SPATA16: variants seen among roughly 807,000 people sequenced by gnomAD.
SPATA16 encodes the protein spermatogenesis-associated protein 16.
A neutral mutation model predicts 63.3 loss-of-function variants in SPATA16; 36 were observed. The observed-to-expected ratio is 0.57, with a 90% CI of 0.44 to 0.75. The LOEUF is 0.75. Among genes scored for constraint, SPATA16 ranks in the 30% least tolerant of loss-of-function variants. The probability of loss-of-function intolerance (pLI) is 0.00; values close to 1 mark genes in which losing one functional copy is unlikely to be tolerated. For missense variants in SPATA16, 646 were observed against 679.3 expected (o/e 0.95, Z 0.54); for synonymous variants, 203 against 216.7 (o/e 0.94, Z 0.56).
chr3:173,082,931 T>A (rs1278780961), intron 2 of SPATA16, among the ~76,000 whole-genome samples: 1 of 152,190 alleles, frequency 6.6e-6, no homozygotes, highest in African/African-American at 2.4e-5. Flanking sequence ...ATCTGCCTTG[T>A]TCACTTTTGT....
At chr3:173,026,153 A>C (rs556700530) in intron 3 of SPATA16, among the ~76,000 whole-genome samples, 1 of 151,602 alleles carries the variant, frequency 6.6e-6, no homozygotes, top group Admixed American at 6.6e-5. Flanking sequence ...ATGGTATCTC[A>C]TTGTGGCTTT....
At chr3:172,947,210 A>C (rs1733312042) in intron 6 of SPATA16, among the ~76,000 whole-genome samples, 1 of 152,200 alleles carries the variant, frequency 6.6e-6, no homozygotes, top group Admixed American at 6.5e-5. Context: ...AATTCTCTTT[A>C]AATACTTGGA....
At chr3:172,972,549 A>C (rs532354057) in intron 5 of SPATA16, among the ~76,000 whole-genome samples, 1 of 152,200 alleles carries the variant, frequency 6.6e-6, no homozygotes. Context: ...CCTTCTTAGA[A>C]TAATTTGATG....
chr3:172,992,754 A>G (rs1734608541), intron 4 of SPATA16, among the ~76,000 whole-genome samples: 1 of 152,066 alleles, frequency 6.6e-6, no homozygotes, highest in African/African-American at 2.4e-5. Flanking sequence ...CCCTGCCCAA[A>G]TGGGATCCAT....
At chr3:173,054,035 T>A (rs184374687) in intron 2 of SPATA16, among the ~76,000 whole-genome samples, 3 of 152,070 alleles carry the variant, frequency 2.0e-5, no homozygotes, top group South Asian at 2.1e-4. Context: ...CAACATAATT[T>A]TTCATATGCT....
intron 4 of SPATA16, among the ~76,000 whole-genome samples, chr3:173,004,918 G>A (rs539332676): frequency 6.6e-6 from 1 of 152,156 alleles, no homozygotes; most frequent in East Asian, 1.9e-4. Context: ...AATTCACTTG[G>A]CAACACTTAG....
chr3:173,023,137 ATGTGTGTG>A (rs11282206), intron 3 of SPATA16, among the ~76,000 whole-genome samples: 4 of 139,866 alleles, frequency 2.9e-5, no homozygotes, highest in Admixed American at 7.2e-5. Flanking sequence ...ATGCTTGTGT[ATGTGTGTG>A]TGTGTGTGTG....
At chr3:172,961,131 T>TTCCTTCCTTC (rs1733774324) in intron 5 of SPATA16, among the ~76,000 whole-genome samples, 3 of 150,202 alleles carry the variant, frequency 2.0e-5, no homozygotes, top group African/African-American at 2.5e-5. Context: ...CCTTCCTTTC[T>TTCCTTCCTTC]CTTTCTTGTG....
intron 8 of SPATA16, among the ~76,000 whole-genome samples, chr3:172,918,782 C>A (rs1028206351): frequency 6.6e-6 from 1 of 151,948 alleles, no homozygotes; most frequent in Non-Finnish European, 1.5e-5. Context: ...AAAGTGGCCA[C>A]GACTGAAGCT....
intron 3 of SPATA16, among the ~76,000 whole-genome samples, chr3:173,019,994 A>G (rs1286330619): frequency 2.7e-5 from 4 of 150,180 alleles, no homozygotes; most frequent in Non-Finnish European, 1.5e-5. Flanking sequence ...TTTCAGTTAA[A>G]AAAAAAAAAA....
At chr3:172,954,693 T>C (rs1733531198) in intron 6 of SPATA16, among the ~76,000 whole-genome samples, 1 of 152,160 alleles carries the variant, frequency 6.6e-6, no homozygotes, top group Non-Finnish European at 1.5e-5. Context: ...GAAAAAGAGT[T>C]ATACCTCCAA....
At chr3:172,968,653 G>A (rs1204934840) in intron 5 of SPATA16, among the ~76,000 whole-genome samples, 1 of 152,148 alleles carries the variant, frequency 6.6e-6, no homozygotes, top group Non-Finnish European at 1.5e-5. Flanking sequence ...AGCACTCACA[G>A]AACATCAACA....
chr3:173,095,982 A>G (rs1737340348), intron 2 of SPATA16, among the ~76,000 whole-genome samples: 1 of 152,142 alleles, frequency 6.6e-6, no homozygotes, highest in African/African-American at 2.4e-5. Context: ...AGTAATAAAC[A>G]ATTCCTAAAT....
Position 173,026,995 on chromosome 3 carries a change from A to G in SPATA16, c.759-7420T>C, listed in dbSNP as rs569064493. 7.2e-5 allele frequency among the ~76,000 whole-genome samples: 11 copies of G among 152,014 alleles called. No homozygotes were observed. In the East Asian group the frequency reaches 2.1e-3, roughly 29 times the overall value. On this transcript the variant is annotated intron_variant, in intron 3 of 10. Transcript: ENST00000351008. ...TGGGATTTTGATAAGTGTATAGAAA[A>G]CTTTAAGATCTATTGACATCTTAAT...
At chr3:173,115,857 C>T (rs1342912116) in intron 2 of SPATA16, among the ~76,000 whole-genome samples, 2 of 151,912 alleles carry the variant, frequency 1.3e-5, no homozygotes, top group African/African-American at 4.8e-5. Context: ...TGCTCACTCT[C>T]ATCACCCATG....
intron 2 of SPATA16, among the ~76,000 whole-genome samples, chr3:173,072,999 G>A (rs1170947173): frequency 1.3e-5 from 2 of 152,184 alleles, no homozygotes; most frequent in African/African-American, 4.8e-5. Context: ...GTTGTGAACT[G>A]GAGTAAAGGT....
intron 3 of SPATA16, among the ~76,000 whole-genome samples, chr3:173,036,280 G>A (rs1735713705): frequency 6.6e-6 from 1 of 151,992 alleles, no homozygotes; most frequent in African/African-American, 2.4e-5. Context: ...TATATTGCTA[G>A]TGATAAAATT....
chr3:173,130,320 A>C (rs896584472), intron 1 of SPATA16, among the ~76,000 whole-genome samples: 22 of 141,754 alleles, frequency 1.6e-4, no homozygotes, highest in Non-Finnish European at 3.0e-4. Flanking sequence ...AGATTGTGCC[A>C]CTGCACTCCA....
chr3:172,991,572 G>T (rs1734578138), intron 4 of SPATA16, among the ~76,000 whole-genome samples: 1 of 152,130 alleles, frequency 6.6e-6, no homozygotes, highest in African/African-American at 2.4e-5. Flanking sequence ...GAATTTATCT[G>T]ATGCAATCCA....
Sources: allele counts gnomAD v4.1 joint callset (sites outside exome capture counted in the v4.1 genomes callset), GRCh38; gene constraint gnomAD v4.1.1; transcripts MANE v1.5; gene names NCBI Gene and HGNC (gene_info 2026-07-23, HGNC 2026-07-21).